The following SWT1 variants were observed in gnomAD, a reference collection of about 807,000 sequenced individuals.
SWT1 encodes the protein SWT1 RNA endoribonuclease homolog.
In SWT1, 33 loss-of-function variants were observed where a neutral mutation model predicts 107.3. The observed-to-expected ratio is 0.31, with a 90% CI of 0.23 to 0.41. The LOEUF (loss-of-function observed/expected upper bound fraction) is 0.41. Among genes scored for constraint, SWT1 ranks in the 10% least tolerant of loss-of-function variants. SWT1 has a pLI of 1.00. For missense variants in SWT1, 898 were observed against 1,028.9 expected, an observed-to-expected ratio of 0.87 and a Z score of 1.74; for synonymous variants, 345 against 348.3, an observed-to-expected ratio of 0.99 and a Z score of 0.11.
At chr1:185,184,466 T>C (rs780796475) in intron 8 of SWT1, 122 bp downstream of exon 8, 22 of 664,200 alleles carry the variant, frequency 3.3e-5, no homozygotes, top group Non-Finnish European at 5.7e-5. Context: ...ATATTAAGCA[T>C]ATTCAGTGTT....
chr1:185,281,615 C>A (rs1664625599), intron 18 of SWT1: 1 of 198,774 alleles, frequency 5.0e-6, no homozygotes, highest in South Asian at 9.2e-5. Flanking sequence ...GAAGACCGAC[C>A]ACCAAATGGA....
intron 17 of SWT1, among the ~76,000 whole-genome samples, chr1:185,273,122 T>G (rs183903035): frequency 1.6e-4 from 24 of 152,262 alleles, no homozygotes; most frequent in African/African-American, 5.5e-4. Context: ...AGCCTTAATT[T>G]GGCTGAGCGC....
At chr1:185,226,972 C>G (rs2102549931) in intron 15 of SWT1, 2 of 887,714 alleles carry the variant, frequency 2.3e-6, no homozygotes, top group African/African-American at 3.3e-5. Context: ...GCAGCATGAG[C>G]TTTCTTACAC....
intron 2 of SWT1, among the ~76,000 whole-genome samples, chr1:185,165,089 G>C (rs980589317): frequency 6.6e-6 from 1 of 152,162 alleles, no homozygotes; most frequent in African/African-American, 2.4e-5. Flanking sequence ...TTTTGTCTCA[G>C]GGAATAGAGA....
chr1:185,174,945 A>G lies in SWT1; in HGVS notation c.798A>G (p.Glu266=), dbSNP rs759472899. The G allele has an allele frequency of 6.2e-7, 1 of 1,613,870 alleles. No homozygotes were observed. The change falls in exon 5 of 19, where the codon GAA becomes GAG. Residue 266 remains glutamate (E), a synonymous_variant. Coordinates refer to ENST00000367500, the MANE Select transcript of SWT1 (RefSeq NM_017673.7). ...DSNNSKTKQE[E]REYLESSQVS... Reference sequence around the variant, plus strand: ...ATAATTCGAAGACTAAGCAGGAAGAAAGAGAATACCTGGAAAGCTCCCAGG... The same window carrying G: ...ATAATTCGAAGACTAAGCAGGAAGAGAGAGAATACCTGGAAAGCTCCCAGG...
Position 185,180,382 on chromosome 1 carries a change from T to A in SWT1, c.967-9T>A. 6.2e-7 allele frequency: 1 copy of A among 1,610,808 alleles called. No homozygotes were observed. The highest frequency in any genetic ancestry group is 2.2e-5 in the East Asian group (1 of 44,866). ...TTATTCTTAGCTAATGAAATTACTT[T>A]CATTTCAGAGTTTTGAAGCACCATG... On this transcript the variant is annotated splice_polypyrimidine_tract_variant and intron_variant, in intron 5 of 18. Coordinates refer to ENST00000367500, the MANE Select transcript of SWT1 (RefSeq NM_017673.7).
At chr1:185,222,834 T>C (rs1042848156) in intron 15 of SWT1, among the ~76,000 whole-genome samples, 1 of 151,942 alleles carries the variant, frequency 6.6e-6, no homozygotes, top group Non-Finnish European at 1.5e-5. Flanking sequence ...ATACTTTACT[T>C]TGAGCCATAG....
At chr1:185,271,824 C>T (rs1558093999) in intron 17 of SWT1, among the ~76,000 whole-genome samples, 1 of 152,210 alleles carries the variant, frequency 6.6e-6, no homozygotes, top group East Asian at 1.9e-4. Context: ...TGATCTACAA[C>T]TGTCCATTTC....
intron 10 of SWT1, among the ~76,000 whole-genome samples, chr1:185,200,621 A>G (rs1473014742): frequency 6.6e-6 from 1 of 152,152 alleles, no homozygotes; most frequent in African/African-American, 2.4e-5. Flanking sequence ...TTCCTCTGGA[A>G]GCTTTGTCCC....
In SWT1 at chr1:185,202,815, TA is replaced by T; in HGVS notation, c.1669+19del. ...TTGAAAGCAGGTAGTATTTTTACTA[TA>T]AATAATTAGAGATATATCTTATTTT... On this transcript the variant is annotated intron_variant, in intron 11 of 18. Transcript: ENST00000367500. 2 of 1,413,436 alleles carry T rather than the reference TA, an allele frequency of 1.4e-6. No individual in the cohort carries two copies. Among genetic ancestry groups the T allele is most frequent in the Non-Finnish European group, 1.9e-6 (2 of 1,046,784 alleles). The allele number at this position is 1,413,436 out of a possible 1,614,324, so 87.6% of individuals were successfully genotyped here.
chr1:185,200,725 G>T (rs1657800495), intron 10 of SWT1, among the ~76,000 whole-genome samples: 2 of 152,230 alleles, frequency 1.3e-5, no homozygotes, highest in South Asian at 4.1e-4. Flanking sequence ...GGGGCACGAG[G>T]TTCAAGGACC....
At chr1:185,257,315 C>A (rs578144657) in intron 16 of SWT1, among the ~76,000 whole-genome samples, 2 of 152,030 alleles carry the variant, frequency 1.3e-5, no homozygotes, top group Non-Finnish European at 2.9e-5. Context: ...CCACCCAGTT[C>A]GAGCTTCCTG....
chr1:185,226,864 G>A (rs1571556242), intron 15 of SWT1: 15 of 1,530,122 alleles, frequency 9.8e-6, no homozygotes, highest in South Asian at 1.3e-5. Context: ...TGAGCTACCC[G>A]ATCTTTCTTC....
chr1:185,278,719 T>C (rs139763445), intron 18 of SWT1, among the ~76,000 whole-genome samples: 1 of 152,182 alleles, frequency 6.6e-6, no homozygotes, highest in Admixed American at 6.5e-5. Flanking sequence ...AGTCATGCAA[T>C]AAAAACCACA....
intron 14 of SWT1, among the ~76,000 whole-genome samples, chr1:185,216,284 A>C (rs1255261016): frequency 1.3e-5 from 2 of 152,128 alleles, no homozygotes; most frequent in Non-Finnish European, 2.9e-5. Context: ...TAGAACTATT[A>C]GTAGGAAAAA....
intron 16 of SWT1, among the ~76,000 whole-genome samples, chr1:185,233,890 C>T (rs1408235111): frequency 6.6e-6 from 1 of 152,056 alleles, no homozygotes; most frequent in Non-Finnish European, 1.5e-5. Context: ...ACTACAGGCA[C>T]CCGCCACCAT....
At chr1:185,194,842 CAGAT>C (rs1657250231) in intron 10 of SWT1, among the ~76,000 whole-genome samples, 2 of 152,080 alleles carry the variant, frequency 1.3e-5, no homozygotes, top group South Asian at 2.1e-4. Context: ...AATTTGCTGT[CAGAT>C]AGCTTCAGTA....
intron 3 of SWT1, among the ~76,000 whole-genome samples, chr1:185,167,282 T>A (rs2102314306): frequency 6.6e-6 from 1 of 152,310 alleles, no homozygotes; most frequent in East Asian, 1.9e-4. Flanking sequence ...CACAAAACTG[T>A]GTACAGCAAC....
At chr1:185,225,860 G>A (rs765626342) in intron 15 of SWT1, among the ~76,000 whole-genome samples, 23 of 152,090 alleles carry the variant, frequency 1.5e-4, no homozygotes, top group Admixed American at 5.2e-4. Flanking sequence ...AAATACTTTT[G>A]TTTAAAAGGA....
Sources: gnomAD v4.1 joint callset for allele counts (sites outside exome capture counted in the v4.1 genomes callset) on GRCh38, gnomAD v4.1.1 for gene constraint, MANE v1.5 for transcripts, NCBI Gene and HGNC (gene_info 2026-07-23, HGNC 2026-07-21) for gene names.